Variants in ESRRG observed in about 807,000 individuals in gnomAD.
The protein encoded by ESRRG is estrogen-related receptor gamma.
In ESRRG, 13 loss-of-function variants were observed where a neutral mutation model predicts 44.0. The observed-to-expected ratio is 0.30, with a 90% CI of 0.19 to 0.47. The LOEUF (loss-of-function observed/expected upper bound fraction) is 0.47. Ranked by LOEUF, ESRRG falls within the 20% of genes least tolerant of loss-of-function variation. The probability of loss-of-function intolerance (pLI) is 1.00; values close to 1 mark genes in which losing one functional copy is unlikely to be tolerated. For synonymous variants in ESRRG, 215 were observed against 214.6 expected, an observed-to-expected ratio of 1.00 and a Z score of -0.02; for missense variants, 395 against 580.6, an observed-to-expected ratio of 0.68 and a Z score of 3.29.
chr1:216,679,232 A>C (rs1575182221), intron 1 of ESRRG, among the ~76,000 whole-genome samples: 1 of 152,182 alleles, frequency 6.6e-6, no homozygotes, highest in Non-Finnish European at 1.5e-5. Flanking sequence ...GCCAGCCTGA[A>C]CTACGGCGTC....
chr1:216,739,804 C>A (rs2813704), intron 2 of ESRRG, among the ~76,000 whole-genome samples: 104,675 of 152,048 alleles, frequency 0.69, 37,017 homozygotes, highest in East Asian at 0.83. Context: ...AACTCTGATG[C>A]GCAAATGTTT....
chr1:216,612,395 A>G lies in ESRRG; in HGVS notation c.589+38578T>C, dbSNP rs185294886. ...AAGGGGCGGGAATAGAACTGTTTCA[A>G]TCCTCAGGTGTCATGAAATTTAAGT... On this transcript the variant is annotated intron_variant, in intron 3 of 6. Coordinates refer to ENST00000408911, the MANE Select transcript of ESRRG (RefSeq NM_001438.4). 2.8e-3 allele frequency among the ~76,000 whole-genome samples: 424 copies of G among 152,268 alleles called. 2 individuals carry two copies. Among genetic ancestry groups the G allele is most frequent in the South Asian group, 9.1e-3 (44 of 4,818 alleles).
At chr1:216,740,349 G>A (rs906264623) in intron 2 of ESRRG, among the ~76,000 whole-genome samples, 1 of 152,138 alleles carries the variant, frequency 6.6e-6, no homozygotes, top group Non-Finnish European at 1.5e-5. Flanking sequence ...CTGCACCACA[G>A]ACACATTTTC....
intron 2 of ESRRG, among the ~76,000 whole-genome samples, chr1:216,743,113 A>G (rs1036732557): frequency 2.0e-5 from 3 of 152,236 alleles, no homozygotes; most frequent in African/African-American, 7.2e-5. Flanking sequence ...TTAGAGACCA[A>G]TGGAATGAGG....
chr1:216,849,496 C>T (rs1232285050), intron 2 of ESRRG, among the ~76,000 whole-genome samples: 13 of 152,060 alleles, frequency 8.5e-5, no homozygotes, highest in Admixed American at 8.5e-4. Context: ...TTATCTTTTG[C>T]TGAACTCAGA....
intron 1 of ESRRG, among the ~76,000 whole-genome samples, chr1:217,117,569 A>G (rs757623354): frequency 3.1e-4 from 47 of 152,176 alleles, no homozygotes; most frequent in Non-Finnish European, 6.8e-4. Flanking sequence ...TGGATGACAG[A>G]GCGAGACCCT....
intron 1 of ESRRG, among the ~76,000 whole-genome samples, chr1:216,705,661 A>C (rs2082307087): frequency 6.6e-6 from 1 of 152,202 alleles, no homozygotes; most frequent in Non-Finnish European, 1.5e-5. Context: ...TCATGCATTA[A>C]AGCATTCCAA....
chr1:216,742,146 G>A (rs927511540), intron 2 of ESRRG, among the ~76,000 whole-genome samples: 5 of 152,112 alleles, frequency 3.3e-5, no homozygotes, highest in African/African-American at 1.2e-4. Context: ...CAGCCTTCAC[G>A]TAACCTGAAC....
intron 2 of ESRRG, among the ~76,000 whole-genome samples, chr1:216,794,852 A>G (rs967768363): frequency 2.6e-5 from 4 of 152,212 alleles, no homozygotes; most frequent in African/African-American, 9.6e-5. Flanking sequence ...CTATACCTTC[A>G]GGGAACATGA....
At chr1:216,771,404 C>A (rs1012160135) in intron 2 of ESRRG, among the ~76,000 whole-genome samples, 4 of 152,066 alleles carry the variant, frequency 2.6e-5, no homozygotes, top group Non-Finnish European at 4.4e-5. Context: ...CATGTATGTA[C>A]AGTTATCTAA....
chr1:216,537,209 A>G (rs892299257), intron 5 of ESRRG, among the ~76,000 whole-genome samples: 19 of 152,018 alleles, frequency 1.2e-4, no homozygotes, highest in African/African-American at 3.9e-4. Flanking sequence ...TGCCCTTATG[A>G]AAGAGACCAG....
At chr1:216,972,944 A>G (rs938325199) in intron 1 of ESRRG, among the ~76,000 whole-genome samples, 1 of 152,074 alleles carries the variant, frequency 6.6e-6, no homozygotes, top group African/African-American at 2.4e-5. Context: ...ATTCTCTTTT[A>G]CCCTACATCT....
chr1:216,691,253 A>AT (rs2079002631), intron 1 of ESRRG, among the ~76,000 whole-genome samples: 1 of 152,168 alleles, frequency 6.6e-6, no homozygotes, highest in African/African-American at 2.4e-5. Context: ...TAGTCATTTG[A>AT]TTTTTTAAAA....
intron 1 of ESRRG, among the ~76,000 whole-genome samples, chr1:216,709,986 G>A (rs2083274204): frequency 6.6e-6 from 1 of 151,998 alleles, no homozygotes; most frequent in Non-Finnish European, 1.5e-5. Context: ...AGAATTTTCT[G>A]CATGTGTTTT....
At chr1:216,631,645 G>A (rs2064204697) in intron 3 of ESRRG, among the ~76,000 whole-genome samples, 1 of 151,946 alleles carries the variant, frequency 6.6e-6, no homozygotes, top group African/African-American at 2.4e-5. Context: ...AGGGATATAT[G>A]TACGTATATA....
intron 1 of ESRRG, among the ~76,000 whole-genome samples, chr1:217,009,867 G>C (rs1489565349): frequency 6.6e-6 from 1 of 151,728 alleles, no homozygotes; most frequent in African/African-American, 2.4e-5. Context: ...CACCGTATCT[G>C]GCTAATTTTT....
At chr1:216,704,408 T>C (rs924728659) in intron 1 of ESRRG, among the ~76,000 whole-genome samples, 1 of 152,096 alleles carries the variant, frequency 6.6e-6, no homozygotes, top group Non-Finnish European at 1.5e-5. Context: ...TCCCAGCTAG[T>C]TGGGAGACTG....
chr1:216,925,635 T>G (rs1410950790), intron 2 of ESRRG, among the ~76,000 whole-genome samples: 1 of 152,000 alleles, frequency 6.6e-6, no homozygotes, highest in Non-Finnish European at 1.5e-5. Context: ...GGAATGCTCC[T>G]TCTTTTCCTG....
intron 1 of ESRRG, among the ~76,000 whole-genome samples, chr1:216,956,585 A>G (rs2068001308): frequency 6.6e-6 from 1 of 152,072 alleles, no homozygotes; most frequent in African/African-American, 2.4e-5. Flanking sequence ...GGCTATTTGA[A>G]GTCTTTTGTG....
Sources: allele counts gnomAD v4.1 joint callset (sites outside exome capture counted in the v4.1 genomes callset), GRCh38; gene constraint gnomAD v4.1.1; transcripts MANE v1.5; gene names NCBI Gene and HGNC (gene_info 2026-07-23, HGNC 2026-07-21).